The following EVC2 variants were observed in gnomAD, a reference collection of about 807,000 sequenced individuals.
The protein encoded by EVC2 is EvC ciliary complex subunit 2.
A neutral mutation model predicts 149.3 loss-of-function variants in EVC2; 148 were observed. That is an observed-to-expected ratio of 0.99 (90% CI 0.87 to 1.14). The LOEUF is 1.14. Among genes scored for constraint, EVC2 ranks in the 50% most tolerant of loss-of-function variants. The pLI is 0.00. For missense variants in EVC2, 1,854 were observed against 1,627.3 expected (o/e 1.14, Z -2.40); for synonymous variants, 776 against 649.9 (o/e 1.19, Z -2.95).
rs751783448 is a variant in EVC2 at position 5,697,669 on chromosome 4, G to C, written c.229-22C>G. The C allele has an allele frequency of 6.2e-6, 10 of 1,605,248 alleles. No homozygotes were observed. In the South Asian group the frequency reaches 9.9e-5, roughly 16 times the overall value. On this transcript the variant is annotated intron_variant, in intron 1 of 21. Transcript: ENST00000344408. Reference sequence around the variant, plus strand: ...AGTCCTAAAAAATTCAAGACACAAAGTCATTAATGGAACACATACTTCTGA... The same window carrying C: ...AGTCCTAAAAAATTCAAGACACAAACTCATTAATGGAACACATACTTCTGA...
chr4:5,663,739 G>A (rs1025271938), intron 8 of EVC2, among the ~76,000 whole-genome samples: 6 of 151,994 alleles, frequency 3.9e-5, no homozygotes, highest in Admixed American at 3.3e-4. Context: ...TGGCCAACAC[G>A]GTGAAACCCT....
At chr4:5,662,019 G>A (rs1718908211) in intron 9 of EVC2, among the ~76,000 whole-genome samples, 1 of 152,140 alleles carries the variant, frequency 6.6e-6, no homozygotes, top group Admixed American at 6.6e-5. Context: ...TACATAAGAA[G>A]AACTGAATTC....
upstream of EVC2, chr4:5,709,054 C>G (rs374249779): frequency 6.5e-6 from 1 of 152,676 alleles, no homozygotes; most frequent in East Asian, 1.9e-4. Flanking sequence ...CAGTGCAGAC[C>G]AGCTGAGCAC....
the EVC2 span, among the ~76,000 whole-genome samples, chr4:5,532,694 C>A: frequency 6.6e-6 from 1 of 152,128 alleles, no homozygotes; most frequent in South Asian, 2.1e-4. Context: ...CTGCACTGAC[C>A]GTCTAGCAGA....
chr4:5,694,462 T>C lies in EVC2; in HGVS notation c.323A>G (p.Glu108Gly), dbSNP rs767187721. Residue 108 changes from glutamate (E) to glycine (G), a missense_variant, in exon 3 of 22, where the codon GAA becomes GGA. Physicochemically the swap from Glu to Gly is moderately conservative, Grantham distance 98. Coordinates refer to ENST00000344408, the MANE Select transcript of EVC2 (RefSeq NM_147127.5). Reference protein sequence around the residue: ...PLGMKLDKKMEVFIPLSTSAA... With the variant: ...PLGMKLDKKMGVFIPLSTSAA... Reference sequence around the variant, plus strand: ...AGAAGTTGAGAGTGGGATGAAGACTTCCATTTTCTTGTCCAATTTCATTCC... The same window carrying C: ...AGAAGTTGAGAGTGGGATGAAGACTCCCATTTTCTTGTCCAATTTCATTCC... 71 of 1,614,054 alleles carry C rather than the reference T, an allele frequency of 4.4e-5. No homozygotes were observed. Among genetic ancestry groups the C allele is most frequent in the Middle Eastern group, 1.6e-4 (1 of 6,084 alleles).
Position 5,569,727 on chromosome 4 carries a change from A to G in EVC2, c.3361-1087T>C, listed in dbSNP as rs535657620. Among the ~76,000 whole-genome samples the G allele has an allele frequency of 5.1e-4, 77 of 152,198 alleles. No individual in the cohort carries two copies. The highest frequency in any genetic ancestry group is 1.6e-3 in the African/African-American group (67 of 41,518). ...TCAGAAGGGTGGGCTGGGGGTTCAGAGACCACAGAGAGGTCAGGAGACACA... is the reference window on the plus strand; with the variant it reads ...TCAGAAGGGTGGGCTGGGGGTTCAGGGACCACAGAGAGGTCAGGAGACACA... On this transcript the variant is annotated intron_variant, in intron 19 of 21. Transcript: ENST00000344408. This position sits in a 1 kb window ranked among gnomAD's most constrained non-coding sequence, Gnocchi z 4.8.
intron 1 of EVC2, among the ~76,000 whole-genome samples, chr4:5,705,081 T>C (rs1017188251): frequency 6.6e-6 from 1 of 152,206 alleles, no homozygotes; most frequent in Non-Finnish European, 1.5e-5. Flanking sequence ...CAGATAATGT[T>C]ACATCATATC....
chr4:5,707,564 T>C (rs1247105821), intron 1 of EVC2, among the ~76,000 whole-genome samples: 4 of 151,422 alleles, frequency 2.6e-5, no homozygotes, highest in Non-Finnish European at 4.4e-5. Context: ...TGGGGGAAAA[T>C]GGATGGGAGA....
At position 5,625,635 on chromosome 4, in the gene EVC2, C is replaced by CAGCT; in HGVS notation, c.2046+110_2046+113dup. ...TAGATGGCACATCATGGTGCCTGCCCAGCTGCCCTTCTGATCCTAGTTCAC... is the reference window on the plus strand; with the variant it reads ...TAGATGGCACATCATGGTGCCTGCCCAGCTAGCTGCCCTTCTGATCCTAGTTCAC... On this transcript the variant is annotated intron_variant, in intron 13 of 21. Transcript: ENST00000344408. The surrounding 1 kb of genome is among the most constrained non-coding windows in gnomAD (Gnocchi z 4.0). 3 of 1,393,108 alleles carry CAGCT rather than the reference C, an allele frequency of 2.2e-6. No individual in the cohort carries two copies. Among genetic ancestry groups the CAGCT allele is most frequent in the Non-Finnish European group, 3.0e-6 (3 of 1,000,228 alleles). The allele number at this position is 1,393,108 out of a possible 1,614,324, so 86.3% of individuals were successfully genotyped here. A position where few individuals can be genotyped will look rare whatever the true frequency, so the allele number is the denominator to read the frequency against.
chr4:5,622,834 T>A lies in EVC2; in HGVS notation c.2204A>T (p.Asp735Val), dbSNP rs1248547983. 1 of 1,613,852 alleles carries A rather than the reference T, an allele frequency of 6.2e-7. No individual in the cohort carries two copies. Among genetic ancestry groups the A allele is most frequent in the Non-Finnish European group, 8.5e-7 (1 of 1,180,014 alleles). The change falls in exon 14 of 22, where the codon GAT becomes GTT. Residue 735 changes from aspartate to valine, a missense_variant. Physicochemically the swap from Asp to Val is radical, Grantham distance 152. Coordinates refer to ENST00000344408, the MANE Select transcript of EVC2 (RefSeq NM_147127.5). This position sits in a 1 kb window ranked among gnomAD's most constrained non-coding sequence, Gnocchi z 5.8. ...QERLDQAALD[D>V]LRTLTLSLFE... ...CAGCGAAAGGGTCAGGGTCCTGAGA[T>A]CGTCCAGGGCGGCCTGGTCCAGACG...
chr4:5,529,102 A>G, the EVC2 span, among the ~76,000 whole-genome samples: 1 of 152,122 alleles, frequency 6.6e-6, no homozygotes, highest in Admixed American at 6.6e-5. This position sits in a 1 kb window ranked among gnomAD's most constrained non-coding sequence, Gnocchi z 4.5. Flanking sequence ...TTTGAGAGCC[A>G]TCTGTAGCCT....
downstream of EVC2, among the ~76,000 whole-genome samples, chr4:5,557,990 T>C (rs4582099): frequency 0.56 from 85,205 of 151,928 alleles, 25,101 homozygotes; most frequent in Non-Finnish European, 0.66. Flanking sequence ...CTTCCCAACC[T>C]GACCTATAGA....
intron 10 of EVC2, among the ~76,000 whole-genome samples, chr4:5,639,730 C>T (rs1717174641): frequency 6.6e-6 from 1 of 152,240 alleles, no homozygotes; most frequent in Non-Finnish European, 1.5e-5. Flanking sequence ...TGGACTCTGA[C>T]ATCACAACTT....
chr4:5,708,323 G>A lies in EVC2; in HGVS notation c.191C>T (p.Pro64Leu), dbSNP rs1292564840. The A allele has an allele frequency of 2.7e-6, 4 of 1,467,714 alleles. No homozygotes were observed. Among genetic ancestry groups the A allele is most frequent in the Admixed American group, 2.4e-5 (1 of 41,354 alleles). 90.9% of individuals were successfully genotyped at this position (1,467,714 alleles called of 1,614,324 possible). ...CTCGGGCCCCGCCCCGCTCCGCCCCGGAGGGATCCTCAGGCCGGGCCCAGA... is the reference window on the plus strand; with the variant it reads ...CTCGGGCCCCGCCCCGCTCCGCCCCAGAGGGATCCTCAGGCCGGGCCCAGA... ...PRSGPGLRIP[P>L]GRSGAGPESS... Residue 64 changes from proline (P) to leucine (L), a missense_variant, in exon 1 of 22, where the codon CCG (proline) becomes CTG (leucine). Physicochemically the swap from Pro to Leu is moderately conservative, Grantham distance 98. Coordinates refer to ENST00000344408, the MANE Select transcript of EVC2 (RefSeq NM_147127.5).
chr4:5,632,017 T>C lies in EVC2; in HGVS notation c.1486A>G (p.Ser496Gly), dbSNP rs775594374. The change falls in exon 11 of 22, where the codon AGC (serine) becomes GGC (glycine). Residue 496 changes from serine (S) to glycine (G), a missense_variant. Physicochemically the swap from Ser to Gly is moderately conservative, Grantham distance 56. Transcript: ENST00000344408. ...RAGERSAVEC[S>G]NLLRTLHGLE... is the part of the protein sequence containing the mutation. ...CCATGGAGGGTCCGCAGAAGGTTGC[T>C]GCACTCTACAGCAGACTGGAGAGAG... 2.5e-6 allele frequency: 4 copies of C among 1,614,022 alleles called. No individual in the cohort carries two copies. The highest frequency in any genetic ancestry group is 3.4e-6 in the Non-Finnish European group (4 of 1,180,026).
In EVC2 at chr4:5,696,963, G is replaced by A. The variant is rs570588335; in HGVS notation, c.283+630C>T. Among the ~76,000 whole-genome samples the A allele has an allele frequency of 6.6e-6, 1 of 152,304 alleles. No homozygotes were observed. Among genetic ancestry groups the A allele is most frequent in the South Asian group, 2.1e-4 (1 of 4,824 alleles). The stretch of plus-strand genomic sequence containing the variant: ...TGGATTATCCTGGTGGGCCCTAAAT[G>A]TCATCACAGATGTCCTTATAAGAGG... On this transcript the variant is annotated intron_variant, in intron 2 of 21. Coordinates refer to ENST00000344408, the MANE Select transcript of EVC2 (RefSeq NM_147127.5). This position sits in a 1 kb window ranked among gnomAD's most constrained non-coding sequence, Gnocchi z 4.1.
At position 5,565,257 on chromosome 4, in the gene EVC2, C is replaced by T; in HGVS notation, c.3659+1G>A. On this transcript the variant is annotated splice_donor_variant, in intron 21 of 21. Transcript: ENST00000344408. LOFTEE classifies it high-confidence loss of function. ...CCACATGAGCAGGTGCCCATCATTA[C>T]CTCTGCTTTCTCTTGCGGGCCCACA... 1 of 1,613,858 alleles carries T rather than the reference C, an allele frequency of 6.2e-7. No individual in the cohort carries two copies.
At chr4:5,685,534 G>C in intron 5 of EVC2, 55 bp from the exon 6 acceptor site, 1 of 1,441,380 alleles carries the variant, frequency 6.9e-7, no homozygotes, top group Non-Finnish European at 9.7e-7. Flanking sequence ...GCCCCCGGCT[G>C]CACCCCACCA....
intron 21 of EVC2, among the ~76,000 whole-genome samples, chr4:5,564,616 T>C (rs1386171867): frequency 3.9e-5 from 6 of 152,200 alleles, no homozygotes; most frequent in Non-Finnish European, 7.3e-5. Flanking sequence ...TTTAACCCCT[T>C]ATGAATCTAC....
Sources: allele counts gnomAD v4.1 joint callset (sites outside exome capture counted in the v4.1 genomes callset), GRCh38; gene constraint gnomAD v4.1.1; non-coding constraint Gnocchi (gnomAD v3.1); transcripts MANE v1.5; gene names NCBI Gene and HGNC (gene_info 2026-07-23, HGNC 2026-07-21).